ANGPTL3: variants seen among roughly 807,000 people sequenced by gnomAD.
ANGPTL3 encodes angiopoietin-related protein 3.
A neutral mutation model predicts 52.7 loss-of-function variants in ANGPTL3; 51 were observed. That is an observed-to-expected ratio of 0.97 (90% CI 0.77 to 1.22). The LOEUF (loss-of-function observed/expected upper bound fraction) is 1.22, where lower values mean the gene tolerates loss of function less well. ANGPTL3 is among the 50% of genes most tolerant of loss of function. The pLI is 0.00. For missense variants in ANGPTL3, 506 were observed against 520.7 expected (o/e 0.97, Z 0.27); for synonymous variants, 185 against 179.8 (o/e 1.03, Z -0.23).
At chr1:62,602,016 C>G in intron 4 of ANGPTL3, 134 bp downstream of exon 4, 1 of 618,650 alleles carries the variant, frequency 1.6e-6, no homozygotes, top group Non-Finnish European at 2.8e-6. Context: ...AAATATAATA[C>G]TTTTACCTTG....
At position 62,597,717 on chromosome 1, in the gene ANGPTL3, C is replaced by G. The variant is rs139687521; in HGVS notation, c.151C>G (p.Leu51Val). Residue 51 changes from leucine (L) to valine (V), a missense_variant, in exon 1 of 7, where the codon CTT becomes GTT. By Grantham distance (32) the Leu-to-Val change is conservative. Transcript: ENST00000371129. ...TGTAAAAATTTTAGCCAATGGCCTC[C>G]TTCAGTTGGGACATGGTCTTAAAGA... Reference protein sequence around the residue: ...DDVKILANGLLQLGHGLKDFV... With the variant: ...DDVKILANGLVQLGHGLKDFV... 6.2e-7 allele frequency: 1 copy of G among 1,613,538 alleles called. No homozygotes were observed. Among genetic ancestry groups the G allele is most frequent in the Non-Finnish European group, 8.5e-7 (1 of 1,179,706 alleles).
chr1:62,602,142 TAATA>T, intron 4 of ANGPTL3, 139 bp from the exon 5 acceptor site: 1 of 721,244 alleles, frequency 1.4e-6, no homozygotes, highest in Non-Finnish European at 2.3e-6. Flanking sequence ...TTTGGGACCA[TAATA>T]AATAATAAAA....
intron 4 of ANGPTL3, 52 bp downstream of exon 4, chr1:62,601,934 C>A: frequency 8.8e-7 from 1 of 1,130,528 alleles, no homozygotes; most frequent in Non-Finnish European, 1.3e-6. Context: ...TTACTCATTA[C>A]GTATTAGGAA....
chr1:62,599,823 GAC>G (rs1340697883), intron 2 of ANGPTL3, among the ~76,000 whole-genome samples: 3 of 151,896 alleles, frequency 2.0e-5, no homozygotes, highest in African/African-American at 7.2e-5. Flanking sequence ...CTGGTGAAGT[GAC>G]AGAGGGAAGC....
In ANGPTL3 at chr1:62,605,050, G is replaced by A. The variant is rs963726228; in HGVS notation, c.*233G>A. ...TATTTGTTTTAAATTTTGTGATGTGGGAATCAATTTTAGATGGTCACAATC... is the reference window on the plus strand; with the variant it reads ...TATTTGTTTTAAATTTTGTGATGTGAGAATCAATTTTAGATGGTCACAATC... On this transcript the variant is annotated 3_prime_UTR_variant, in exon 7 of 7. Coordinates refer to ENST00000371129, the MANE Select transcript of ANGPTL3 (RefSeq NM_014495.4). 9 of 438,928 alleles carry A rather than the reference G, an allele frequency of 2.1e-5. No homozygotes were observed. In the East Asian group the frequency reaches 2.1e-4, roughly 10 times the overall value. 27.2% of individuals were successfully genotyped at this position (438,928 alleles called of 1,614,324 possible). A position where few individuals can be genotyped will look rare whatever the true frequency, so the allele number is the denominator to read the frequency against.
At chr1:62,601,054 A>T in intron 2 of ANGPTL3, 28 bp from the exon 3 acceptor site, 1 of 1,363,200 alleles carries the variant, frequency 7.3e-7, no homozygotes, top group Non-Finnish European at 1.0e-6. Context: ...GTATCATTTT[A>T]AAAAACAGAT....
At position 62,605,117 on chromosome 1, in the gene ANGPTL3, A is replaced by G. The variant is rs1650788642; in HGVS notation, c.*300A>G. 1.2e-5 allele frequency: 3 copies of G among 251,384 alleles called. No individual in the cohort carries two copies. The highest frequency in any genetic ancestry group is 1.2e-4 in the South Asian group (2 of 16,892). 15.6% of individuals were successfully genotyped at this position (251,384 alleles called of 1,614,324 possible). Reference sequence around the variant, plus strand: ...GGTGAACTTATTAAATAACTTTTCTAAATAAAAAATTTAGAGACTTTTATT... The same window carrying G: ...GGTGAACTTATTAAATAACTTTTCTGAATAAAAAATTTAGAGACTTTTATT... On this transcript the variant is annotated 3_prime_UTR_variant, in exon 7 of 7. Transcript: ENST00000371129.
intron 5 of ANGPTL3, among the ~76,000 whole-genome samples, chr1:62,603,697 A>C (rs904577029): frequency 2.0e-5 from 3 of 151,870 alleles, no homozygotes; most frequent in Non-Finnish European, 4.4e-5. Flanking sequence ...ATAATAATGT[A>C]ACACATTTCA....
At chr1:62,602,494 C>T in intron 5 of ANGPTL3, 114 bp downstream of exon 5, 1 of 852,338 alleles carries the variant, frequency 1.2e-6, no homozygotes, top group Non-Finnish European at 2.0e-6. Context: ...GCAGTCTCAG[C>T]CTTCATATAA....
intron 5 of ANGPTL3, among the ~76,000 whole-genome samples, chr1:62,603,244 C>T (rs1010862567): frequency 6.6e-6 from 1 of 151,570 alleles, no homozygotes; most frequent in South Asian, 2.1e-4. Context: ...TTGTATTTAC[C>T]AGCAATCCTT....
Position 62,597,947 on chromosome 1 carries a change from C to A in ANGPTL3, c.381C>A (p.Leu127=). The A allele has an allele frequency of 1.3e-6, 2 of 1,551,236 alleles. No homozygotes were observed. Among genetic ancestry groups the A allele is most frequent in the South Asian group, 1.3e-5 (1 of 78,874 alleles). The stretch of plus-strand genomic sequence containing the variant: ...AACTCAACTCAAAACTTGAAAGCCT[C>A]CTAGAAGAAAAAATTCTACTTCAAC... ...SLELNSKLES[L]LEEKILLQQK... is the part of the protein sequence containing the mutation. The change falls in exon 1 of 7, where the codon CTC becomes CTA. Residue 127 remains leucine, a synonymous_variant. Transcript: ENST00000371129.
intron 2 of ANGPTL3, among the ~76,000 whole-genome samples, chr1:62,600,839 T>A (rs141728177): frequency 4.6e-5 from 7 of 151,972 alleles, no homozygotes; most frequent in African/African-American, 1.7e-4. Flanking sequence ...TGCTCTGTTT[T>A]CCGACCAATG....
rs12563308 is a variant in ANGPTL3 at position 62,604,040 on chromosome 1, T to A, written c.1003T>A (p.Leu335Met). The A allele has an allele frequency of 1.3e-5, 21 of 1,612,992 alleles. No individual in the cohort carries two copies. The highest frequency in any genetic ancestry group is 1.7e-5 in the Non-Finnish European group (20 of 1,179,332). ...KQSNYVLRIE[L>M]EDWKDNKHYI... is the part of the protein sequence containing the mutation. The stretch of plus-strand genomic sequence containing the variant: ...ATCTAATTATGTTTTACGAATTGAG[T>A]TGGAAGACTGGAAAGACAACAAACA... Residue 335 changes from leucine (L) to methionine (M), a missense_variant, in exon 6 of 7, where the codon TTG (leucine) becomes ATG (methionine). Coordinates refer to ENST00000371129, the MANE Select transcript of ANGPTL3 (RefSeq NM_014495.4).
intron 2 of ANGPTL3, among the ~76,000 whole-genome samples, chr1:62,599,705 C>G (rs1490584839): frequency 6.6e-6 from 1 of 151,910 alleles, no homozygotes; most frequent in East Asian, 1.9e-4. Flanking sequence ...ATGTCATATT[C>G]ACACAGAAGC....
chr1:62,603,948 T>C, intron 5 of ANGPTL3, 21 bp from the exon 6 acceptor site: 2 of 1,610,708 alleles, frequency 1.2e-6, no homozygotes, highest in South Asian at 2.2e-5. Context: ...ACTCACAGAT[T>C]TTTAAAACTT....
Position 62,597,652 on chromosome 1 carries a change from T to C in ANGPTL3, c.86T>C (p.Leu29Pro), listed in dbSNP as rs1255758366. ...CAAGACAATTCATCATTTGATTCTC[T>C]ATCTCCAGAGCCAAAATCAAGATTT... ...IDQDNSSFDS[L>P]SPEPKSRFAM... Residue 29 changes from leucine to proline, a missense_variant, in exon 1 of 7, where the codon CTA becomes CCA. Coordinates refer to ENST00000371129, the MANE Select transcript of ANGPTL3 (RefSeq NM_014495.4). 6.2e-7 allele frequency: 1 copy of C among 1,613,464 alleles called. No homozygotes were observed. Among genetic ancestry groups the C allele is most frequent in the Non-Finnish European group, 8.5e-7 (1 of 1,179,638 alleles).
intron 4 of ANGPTL3, 72 bp from the exon 5 acceptor site, chr1:62,602,213 A>G (rs1650227028): frequency 8.0e-7 from 1 of 1,242,898 alleles, no homozygotes; most frequent in Non-Finnish European, 1.2e-6. Flanking sequence ...AAATCAAACA[A>G]ACAAAAAAGT....
At position 62,605,470 on chromosome 1, in the gene ANGPTL3, G is replaced by A. The variant is rs1650851088; in HGVS notation, c.*653G>A. The stretch of plus-strand genomic sequence containing the variant: ...TTAAACAAATGGAGATGACTACTAA[G>A]TCACATTGACTTTAACATGAGGTAT... On this transcript the variant is annotated 3_prime_UTR_variant, in exon 7 of 7. Coordinates refer to ENST00000371129, the MANE Select transcript of ANGPTL3 (RefSeq NM_014495.4). 1 of 152,562 alleles carries A rather than the reference G, an allele frequency of 6.6e-6. No homozygotes were observed. The highest frequency in any genetic ancestry group is 2.4e-5 in the African/African-American group (1 of 41,388). 9.5% of individuals were successfully genotyped at this position (152,562 alleles called of 1,614,324 possible). A position where few individuals can be genotyped will look rare whatever the true frequency, so the allele number is the denominator to read the frequency against.
Position 62,601,190 on chromosome 1 carries a change from C to T in ANGPTL3, c.715C>T (p.His239Tyr). ...LQLNEIRNVK[H>Y]DGIPAECTTI... is the part of the protein sequence containing the mutation. ...GTTGAATGAAATAAGAAATGTAAAA[C>T]ATGATGGTAAGACACTTTGGTGGGT... The change falls in exon 3 of 7, where the codon CAT (histidine) becomes TAT (tyrosine). Residue 239 changes from histidine (H) to tyrosine (Y), a missense_variant. Transcript: ENST00000371129. 6.3e-7 allele frequency: 1 copy of T among 1,594,020 alleles called. No individual in the cohort carries two copies. The highest frequency in any genetic ancestry group is 1.1e-5 in the South Asian group (1 of 90,600).
Sources: gnomAD v4.1 joint callset for allele counts (sites outside exome capture counted in the v4.1 genomes callset) on GRCh38, gnomAD v4.1.1 for gene constraint, MANE v1.5 for transcripts, NCBI Gene and HGNC (gene_info 2026-07-23, HGNC 2026-07-21) for gene names.